Variants in PPP2R3B observed in about 807,000 individuals in gnomAD.
PPP2R3B encodes protein phosphatase 2 regulatory subunit B''beta, also known as serine/threonine-protein phosphatase 2A regulatory subunit B'' subunit beta.
PPP2R3B carries 68 observed loss-of-function variants against 72.9 expected under a neutral mutation model. That is an observed-to-expected ratio of 0.93 (90% confidence interval 0.77 to 1.14). PPP2R3B has a LOEUF of 1.14. Ranked by LOEUF, PPP2R3B falls within the 50% of genes most tolerant of loss-of-function variation. The probability of loss-of-function intolerance (pLI) is 0.00; values close to 1 mark genes in which losing one functional copy is unlikely to be tolerated. For missense variants in PPP2R3B, 1,018 were observed against 842.0 expected (o/e 1.21, Z -2.59); for synonymous variants, 466 against 375.8 (o/e 1.24, Z -2.78).
At chrX:361,377 T>G (rs1169909650) in intron 2 of PPP2R3B, 28 bp downstream of exon 2, 1 of 1,612,320 alleles carries the variant, frequency 6.2e-7, no homozygotes, top group African/African-American at 1.3e-5. Flanking sequence ...CCACCTCGGC[T>G]GCTCCACGTC....
intron 1 of PPP2R3B, among the ~76,000 whole-genome samples, chrX:364,502 C>G (rs1311636085): frequency 1.4e-3 from 169 of 120,452 alleles, no homozygotes; most frequent in Non-Finnish European, 2.2e-3. Flanking sequence ...AACTTCATCT[C>G]TACTAAAAAA....
intron 1 of PPP2R3B, among the ~76,000 whole-genome samples, chrX:372,590 A>G (rs1165352409): frequency 6.6e-6 from 1 of 151,896 alleles, no homozygotes; most frequent in African/African-American, 2.4e-5. Flanking sequence ...TGGTACTCGT[A>G]AAACTAACTC....
chrX:364,575 G>GGGCGT (rs1199071228), intron 1 of PPP2R3B, among the ~76,000 whole-genome samples: 2 of 149,622 alleles, frequency 1.3e-5, no homozygotes, highest in Non-Finnish European at 3.0e-5. Context: ...AAAATTAGCC[G>GGGCGT]GGTGTGGTGG....
At chrX:335,572 C>T (rs1569371160) in intron 12 of PPP2R3B, 1 of 152,148 alleles carries the variant, frequency 6.6e-6, no homozygotes. Context: ...CCAACGGTAA[C>T]CAGAAAGTAT....
chrX:383,777 G>A (rs896479853), intron 1 of PPP2R3B, among the ~76,000 whole-genome samples: 1 of 139,300 alleles, frequency 7.2e-6, no homozygotes, highest in African/African-American at 2.6e-5. Flanking sequence ...GGCGGAGCTT[G>A]CAGTGAGCCG....
At chrX:334,599 G>T in intron 12 of PPP2R3B, 82 bp from the exon 13 acceptor site, 2 of 1,347,636 alleles carry the variant, frequency 1.5e-6, no homozygotes, top group Non-Finnish European at 1.9e-6. Context: ...AGGCTGCTCG[G>T]CCGCCAACCT....
intron 2 of PPP2R3B, among the ~76,000 whole-genome samples, chrX:352,827 T>C (rs192757038): frequency 1.3e-5 from 2 of 151,156 alleles, no homozygotes; most frequent in East Asian, 3.9e-4. Context: ...AAGAGGACGA[T>C]CTGCAGACAC....
chrX:349,798 C>G (rs900710511), intron 2 of PPP2R3B, among the ~76,000 whole-genome samples: 6 of 152,248 alleles, frequency 3.9e-5, no homozygotes, highest in African/African-American at 7.2e-5. Context: ...AAATCACACA[C>G]AGTGTCTACA....
chrX:358,352 AGC>A, intron 2 of PPP2R3B, among the ~76,000 whole-genome samples: 1 of 152,218 alleles, frequency 6.6e-6, no homozygotes, highest in Admixed American at 6.5e-5. Flanking sequence ...AAGTCGCGAC[AGC>A]GCACACCCTG....
At chrX:357,492 G>T (rs5987276) in intron 2 of PPP2R3B, among the ~76,000 whole-genome samples, 4,391 of 152,278 alleles carry the variant, frequency 0.029, 221 homozygotes, top group African/African-American at 0.1. Context: ...TTTACTGAAA[G>T]AGATATACGT....
chrX:357,984 T>A (rs1190532405), intron 2 of PPP2R3B, among the ~76,000 whole-genome samples: 1 of 152,088 alleles, frequency 6.6e-6, no homozygotes, highest in Non-Finnish European at 1.5e-5. Context: ...ACCCCCCTCA[T>A]CAAACTCAAA....
intron 1 of PPP2R3B, among the ~76,000 whole-genome samples, chrX:367,030 A>G (rs1383875570): frequency 6.6e-6 from 1 of 151,640 alleles, no homozygotes; most frequent in African/African-American, 2.4e-5. Context: ...TCTGTCTCAA[A>G]AAAAAAAAAG....
chrX:340,757 G>A lies in PPP2R3B; in HGVS notation c.1351+8C>T, dbSNP rs770009921. On this transcript the variant is annotated splice_region_variant and intron_variant, in intron 10 of 12. Coordinates refer to ENST00000390665, the MANE Select transcript of PPP2R3B (RefSeq NM_013239.5). ...CTCACCCTGGGCCATGCCCTCACGG[G>A]GCATCACCTTCAGTCCTCGGCTTGA... 23 of 1,603,430 alleles carry A rather than the reference G, an allele frequency of 1.4e-5. No homozygotes were observed. The South Asian group carries it at 2.4e-4, about 17-fold the overall frequency.
intron 1 of PPP2R3B, among the ~76,000 whole-genome samples, chrX:379,399 T>C (rs1008213298): frequency 1.3e-5 from 2 of 151,894 alleles, no homozygotes; most frequent in Admixed American, 1.3e-4. Flanking sequence ...CCTATGTGTG[T>C]ATGCACCTAT....
chrX:343,727 G>A (rs1259699650), intron 7 of PPP2R3B, among the ~76,000 whole-genome samples: 4 of 85,754 alleles, frequency 4.7e-5, no homozygotes. Flanking sequence ...ACGGGAGGCG[G>A]GAGTGAGACC....
At chrX:342,212 T>TA (rs2071095443) in intron 7 of PPP2R3B, 1 of 583,278 alleles carries the variant, frequency 1.7e-6, no homozygotes, top group African/African-American at 1.9e-5. Flanking sequence ...GCCTCAAAGG[T>TA]ACAGCTTTCA....
At chrX:360,904 G>A (rs887856745) in intron 2 of PPP2R3B, among the ~76,000 whole-genome samples, 7 of 152,224 alleles carry the variant, frequency 4.6e-5, no homozygotes, top group African/African-American at 1.2e-4. Context: ...AGCAGGCGGC[G>A]AATGATGCAC....
chrX:345,705 G>A (rs2071189125), intron 6 of PPP2R3B, 33 bp from the exon 7 acceptor site: 9 of 1,593,708 alleles, frequency 5.6e-6, no homozygotes, highest in African/African-American at 1.4e-5. Flanking sequence ...TGAGCGCGGG[G>A]CCTCTGCGGG....
intron 1 of PPP2R3B, among the ~76,000 whole-genome samples, chrX:376,725 A>C (rs2072004853): frequency 1.3e-5 from 1 of 77,520 alleles, no homozygotes; most frequent in Non-Finnish European, 2.7e-5. Context: ...GTCCACACCC[A>C]GTGGGGCCAC....
Sources: allele counts gnomAD v4.1 joint callset (sites outside exome capture counted in the v4.1 genomes callset), GRCh38; gene constraint gnomAD v4.1.1; transcripts MANE v1.5; gene names NCBI Gene and HGNC (gene_info 2026-07-23, HGNC 2026-07-21).